The following LYG1 variants were observed in gnomAD, a reference collection of about 807,000 sequenced individuals.
The protein encoded by LYG1 is lysozyme g1, also known as lysozyme g-like protein 1.
Under a neutral mutation model 21.7 loss-of-function variants are expected in LYG1, and 17 were observed. The ratio of observed to expected loss-of-function variants is 0.78; its 90% CI spans 0.54 to 1.18. The LOEUF is 1.18. Ranked by LOEUF, LYG1 falls within the 50% of genes most tolerant of loss-of-function variation. The probability of loss-of-function intolerance (pLI) is 0.00; values close to 1 mark genes in which losing one functional copy is unlikely to be tolerated. For missense variants in LYG1, 211 were observed against 238.1 expected, an observed-to-expected ratio of 0.89 and a Z score of 0.75; for synonymous variants, 81 against 87.4, an observed-to-expected ratio of 0.93 and a Z score of 0.41.
chr2:99,290,972 C>T (rs2094116301), intron 5 of LYG1, among the ~76,000 whole-genome samples: 1 of 152,164 alleles, frequency 6.6e-6, no homozygotes, highest in Non-Finnish European at 1.5e-5. Context: ...TGATCTTTCT[C>T]TTGGACCACT....
Position 99,284,295 on chromosome 2 carries a change from A to T in LYG1, c.*98T>A. On this transcript the variant is annotated 3_prime_UTR_variant, in exon 7 of 7. Coordinates refer to ENST00000308528, the MANE Select transcript of LYG1 (RefSeq NM_174898.3). ...ATGTTATTTTAATGACTTTTAGGTC[A>T]AACTCAGATTCCCAGTTACAGGTGC... The T allele has an allele frequency of 9.7e-7, 1 of 1,029,996 alleles. No individual in the cohort carries two copies. The highest frequency in any genetic ancestry group is 1.5e-6 in the Non-Finnish European group (1 of 680,148). The allele number at this position is 1,029,996 out of a possible 1,614,324, so 63.8% of individuals were successfully genotyped here.
chr2:99,300,534 G>T (rs2094151152), intron 1 of LYG1, among the ~76,000 whole-genome samples: 1 of 152,216 alleles, frequency 6.6e-6, no homozygotes, highest in African/African-American at 2.4e-5. Flanking sequence ...GAGGCTGTTA[G>T]ACATGTTGGC....
In LYG1 at chr2:99,291,230, G is replaced by C; in HGVS notation, c.333+7C>G. 1.9e-6 allele frequency: 3 copies of C among 1,612,696 alleles called. No individual in the cohort carries two copies. The highest frequency in any genetic ancestry group is 2.5e-6 in the Non-Finnish European group (3 of 1,179,160). On this transcript the variant is annotated splice_region_variant and intron_variant, in intron 5 of 6. Transcript: ENST00000308528. Reference sequence around the variant, plus strand: ...ATGGCCACATGTGTCAACGGATGAAGAGTTACCTGCACCATGCTAGTCCTA... The same window carrying C: ...ATGGCCACATGTGTCAACGGATGAACAGTTACCTGCACCATGCTAGTCCTA...
At chr2:99,291,844 G>T (rs968548636) in intron 4 of LYG1, among the ~76,000 whole-genome samples, 2 of 152,170 alleles carry the variant, frequency 1.3e-5, no homozygotes, top group Non-Finnish European at 2.9e-5. Flanking sequence ...CAACAAGTTT[G>T]TTCACAATTG....
chr2:99,289,727 A>G (rs555874368), intron 5 of LYG1, among the ~76,000 whole-genome samples: 1 of 152,166 alleles, frequency 6.6e-6, no homozygotes, highest in Non-Finnish European at 1.5e-5. Context: ...CTTTTTCCAG[A>G]TAGTCTGAAC....
At chr2:99,284,547 G>T in intron 6 of LYG1, 36 bp from the exon 7 acceptor site, 1 of 1,598,484 alleles carries the variant, frequency 6.3e-7, no homozygotes, top group Non-Finnish European at 8.6e-7. Flanking sequence ...CTGACCTAGG[G>T]TACTCAGCAG....
chr2:99,287,708 T>A (rs1269028936), intron 5 of LYG1, among the ~76,000 whole-genome samples: 2 of 151,560 alleles, frequency 1.3e-5, no homozygotes, highest in Non-Finnish European at 2.9e-5. Flanking sequence ...GTGTTGTGTA[T>A]GTGTGTGTGT....
intron 4 of LYG1, 39 bp downstream of exon 4, chr2:99,292,497 G>A: frequency 1.4e-6 from 2 of 1,460,254 alleles, no homozygotes; most frequent in Non-Finnish European, 1.9e-6. Context: ...AACAGTGAAA[G>A]CCGGGGGATA....
chr2:99,302,879 A>G (rs2094158694), upstream of LYG1, among the ~76,000 whole-genome samples: 1 of 152,116 alleles, frequency 6.6e-6, no homozygotes, highest in African/African-American at 2.4e-5. Flanking sequence ...TTATCCAGGC[A>G]TGGTGGCACA....
intron 4 of LYG1, among the ~76,000 whole-genome samples, chr2:99,291,847 C>T (rs561067743): frequency 6.6e-6 from 1 of 152,226 alleles, no homozygotes; most frequent in Non-Finnish European, 1.5e-5. Flanking sequence ...CAAGTTTGTT[C>T]ACAATTGCAC....
At chr2:99,286,674 A>G (rs182618133) in intron 5 of LYG1, among the ~76,000 whole-genome samples, 120 of 152,354 alleles carry the variant, frequency 7.9e-4, no homozygotes, top group African/African-American at 2.8e-3. Context: ...ATTATACTTC[A>G]GCCTGGGCAA....
chr2:99,291,217 G>A lies in LYG1; in HGVS notation c.333+20C>T. ...GCCACATAGCAGAATGGCCACATGT[G>A]TCAACGGATGAAGAGTTACCTGCAC... On this transcript the variant is annotated intron_variant, in intron 5 of 6. Coordinates refer to ENST00000308528, the MANE Select transcript of LYG1 (RefSeq NM_174898.3). 1 of 1,610,198 alleles carries A rather than the reference G, an allele frequency of 6.2e-7. No individual in the cohort carries two copies. Among genetic ancestry groups the A allele is most frequent in the Non-Finnish European group, 8.5e-7 (1 of 1,177,514 alleles).
intron 4 of LYG1, among the ~76,000 whole-genome samples, chr2:99,291,698 C>A (rs530569145): frequency 3.3e-5 from 5 of 152,168 alleles, no homozygotes; most frequent in Admixed American, 3.3e-4. Flanking sequence ...CCACCCAGGA[C>A]AATTCCATGG....
chr2:99,284,594 G>A, intron 6 of LYG1, 83 bp from the exon 7 acceptor site: 1 of 1,591,284 alleles, frequency 6.3e-7, no homozygotes, highest in Admixed American at 1.7e-5. Context: ...CCTAACAGGA[G>A]GCAGCTGGAG....
At chr2:99,303,114 C>A (rs1468413409), upstream of LYG1, among the ~76,000 whole-genome samples, 4 of 151,766 alleles carry the variant, frequency 2.6e-5, no homozygotes, top group East Asian at 7.8e-4. Context: ...GATTTGGACA[C>A]CCAGGGAGTT....
intron 5 of LYG1, 72 bp downstream of exon 5, chr2:99,291,165 C>T (rs2094116822): frequency 4.8e-6 from 7 of 1,451,194 alleles, no homozygotes; most frequent in Non-Finnish European, 6.7e-6. Flanking sequence ...TGAAGCTTTG[C>T]CATCATCCAA....
At chr2:99,292,206 AC>A (rs199504716) in intron 4 of LYG1, among the ~76,000 whole-genome samples, 1,652 of 152,274 alleles carry the variant, frequency 0.011, 9 homozygotes, top group Middle Eastern at 0.024. Flanking sequence ...AATCGCTTAA[AC>A]CGGGGAGGTG....
At chr2:99,286,542 A>G (rs1449331607) in intron 5 of LYG1, among the ~76,000 whole-genome samples, 1 of 152,064 alleles carries the variant, frequency 6.6e-6, no homozygotes, top group East Asian at 1.9e-4. Context: ...CATCTCTACT[A>G]AAAATACAAA....
upstream of LYG1, among the ~76,000 whole-genome samples, chr2:99,304,037 TG>T (rs2094161003): frequency 6.6e-6 from 1 of 152,070 alleles, no homozygotes; most frequent in African/African-American, 2.4e-5. Context: ...CCAGGCGTGG[TG>T]GGGGCACCTG....
Sources: gnomAD v4.1 joint callset for allele counts (sites outside exome capture counted in the v4.1 genomes callset) on GRCh38, gnomAD v4.1.1 for gene constraint, MANE v1.5 for transcripts, NCBI Gene and HGNC (gene_info 2026-07-23, HGNC 2026-07-21) for gene names.